Variants in SORCS1 observed in about 807,000 individuals in gnomAD.
The protein encoded by SORCS1 is sortilin related VPS10 domain containing receptor 1, also known as VPS10 domain-containing receptor SorCS1.
A neutral mutation model predicts 146.1 loss-of-function variants in SORCS1; 60 were observed. The ratio of observed to expected loss-of-function variants is 0.41; its 90% confidence interval spans 0.33 to 0.51. The LOEUF (loss-of-function observed/expected upper bound fraction) is 0.51. SORCS1 is among the 20% of genes least tolerant of loss of function. The pLI is 0.21. For synonymous variants in SORCS1, 637 were observed against 584.0 expected (o/e 1.09, Z -1.31); for missense variants, 1,352 against 1,487.6 (o/e 0.91, Z 1.50).
At chr10:107,043,343 G>A (rs1281494771) in intron 1 of SORCS1, among the ~76,000 whole-genome samples, 2 of 152,138 alleles carry the variant, frequency 1.3e-5, no homozygotes, top group African/African-American at 4.8e-5. Flanking sequence ...CATTCAACCT[G>A]CAGGTTTTAT....
At chr10:107,021,948 T>TA (rs1958165759) in intron 1 of SORCS1, among the ~76,000 whole-genome samples, 1 of 152,228 alleles carries the variant, frequency 6.6e-6, no homozygotes, top group Non-Finnish European at 1.5e-5. Flanking sequence ...AGAGAAATGA[T>TA]ATTGTCACAA....
At chr10:107,035,119 C>G (rs939860456) in intron 1 of SORCS1, among the ~76,000 whole-genome samples, 1 of 150,902 alleles carries the variant, frequency 6.6e-6, no homozygotes, top group Non-Finnish European at 1.5e-5. Flanking sequence ...TTTTTAATCC[C>G]AAGAAATTTC....
intron 10 of SORCS1, among the ~76,000 whole-genome samples, chr10:106,682,783 AAT>A (rs1246613523): frequency 2.0e-5 from 3 of 152,214 alleles, no homozygotes; most frequent in Non-Finnish European, 4.4e-5. Context: ...TCTCCAAGTC[AAT>A]AGAGTCAAAG....
chr10:106,780,570 T>G (rs994725089), intron 3 of SORCS1, among the ~76,000 whole-genome samples: 1 of 152,228 alleles, frequency 6.6e-6, no homozygotes, highest in African/African-American at 2.4e-5. Flanking sequence ...AATAAATGAA[T>G]GAGTCCTTTT....
intron 8 of SORCS1, among the ~76,000 whole-genome samples, chr10:106,701,173 AT>A (rs1347229064): frequency 6.6e-6 from 1 of 152,196 alleles, no homozygotes; most frequent in Non-Finnish European, 1.5e-5. Context: ...TTTAATTTGT[AT>A]TACTTTGTAT....
At chr10:107,148,542 C>T (rs905208618) in intron 1 of SORCS1, among the ~76,000 whole-genome samples, 4 of 152,178 alleles carry the variant, frequency 2.6e-5, no homozygotes, top group African/African-American at 9.7e-5. Flanking sequence ...AGCCCATGGG[C>T]TAAAATTTGG....
chr10:106,783,273 T>G (rs1350168759), intron 3 of SORCS1, among the ~76,000 whole-genome samples: 1 of 152,222 alleles, frequency 6.6e-6, no homozygotes, highest in East Asian at 1.9e-4. Context: ...GTAGATATCA[T>G]TATGTCCATT....
intron 6 of SORCS1, among the ~76,000 whole-genome samples, chr10:106,718,056 TGGAAAAGCTGA>T (rs1422586154): frequency 6.6e-6 from 1 of 152,130 alleles, no homozygotes; most frequent in Non-Finnish European, 1.5e-5. Context: ...GGGGACATGA[TGGAAAAGCTGA>T]GGGAAAGCCT....
At chr10:107,006,354 G>A (rs934054898) in intron 1 of SORCS1, among the ~76,000 whole-genome samples, 11 of 152,090 alleles carry the variant, frequency 7.2e-5, no homozygotes, top group Non-Finnish European at 1.5e-4. Flanking sequence ...AGGAAAAACA[G>A]GTGTATTAAA....
At chr10:106,629,591 A>G (rs1232985675) in intron 18 of SORCS1, among the ~76,000 whole-genome samples, 1 of 152,182 alleles carries the variant, frequency 6.6e-6, no homozygotes, top group East Asian at 1.9e-4. Context: ...CGATGGATAC[A>G]CTCCAAATCT....
At chr10:107,121,650 T>G (rs552543009) in intron 1 of SORCS1, among the ~76,000 whole-genome samples, 45 of 152,190 alleles carry the variant, frequency 3.0e-4, no homozygotes, top group Non-Finnish European at 5.6e-4. Flanking sequence ...TTAAGTAACA[T>G]CATATCAATT....
intron 8 of SORCS1, among the ~76,000 whole-genome samples, chr10:106,702,096 A>T (rs1854177826): frequency 6.6e-6 from 1 of 152,232 alleles, no homozygotes; most frequent in African/African-American, 2.4e-5. Flanking sequence ...TCTTTGAACC[A>T]GGAGAAGCTA....
chr10:106,929,775 A>G (rs142439921), intron 2 of SORCS1, among the ~76,000 whole-genome samples: 8 of 50,082 alleles, frequency 1.6e-4, no homozygotes, highest in East Asian at 6.4e-4. Context: ...GTGCACGTGC[A>G]CACACACACA....
intron 2 of SORCS1, among the ~76,000 whole-genome samples, chr10:106,874,506 G>A (rs1481656686): frequency 2.6e-5 from 4 of 152,178 alleles, no homozygotes; most frequent in African/African-American, 9.6e-5. Context: ...TCAAGAGCCT[G>A]CATTTTAGCA....
chr10:106,687,113 T>C (rs541636594), intron 10 of SORCS1, among the ~76,000 whole-genome samples: 30 of 152,294 alleles, frequency 2.0e-4, no homozygotes, highest in African/African-American at 7.2e-4. Flanking sequence ...ATTTGCAATT[T>C]GCCTCTTCCT....
At chr10:106,630,818 T>A (rs1439828989) in intron 18 of SORCS1, among the ~76,000 whole-genome samples, 1 of 151,386 alleles carries the variant, frequency 6.6e-6, no homozygotes, top group Non-Finnish European at 1.5e-5. Flanking sequence ...CAGAAGAAGA[T>A]ACATTCTGCA....
chr10:106,880,937 A>G (rs1005691331), intron 2 of SORCS1, among the ~76,000 whole-genome samples: 18 of 151,992 alleles, frequency 1.2e-4, no homozygotes, highest in African/African-American at 4.3e-4. Context: ...AAATACAAAA[A>G]AAATTAGCTG....
At chr10:106,732,144 T>TGATA (rs781735653) in intron 5 of SORCS1, among the ~76,000 whole-genome samples, 1 of 152,230 alleles carries the variant, frequency 6.6e-6, no homozygotes, top group African/African-American at 2.4e-5. Flanking sequence ...TTTCTCTGAT[T>TGATA]GATACATGGC....
At chr10:107,049,874 T>C (rs1959940835) in intron 1 of SORCS1, among the ~76,000 whole-genome samples, 1 of 152,210 alleles carries the variant, frequency 6.6e-6, no homozygotes, top group Non-Finnish European at 1.5e-5. Flanking sequence ...ATATGTACGA[T>C]GCTACCAAAA....
Sources: gnomAD v4.1 joint callset for allele counts (sites outside exome capture counted in the v4.1 genomes callset) on GRCh38, gnomAD v4.1.1 for gene constraint, MANE v1.5 for transcripts, NCBI Gene and HGNC (gene_info 2026-07-23, HGNC 2026-07-21) for gene names.